CDH13: variants seen among roughly 807,000 people sequenced by gnomAD.
The protein encoded by CDH13 is cadherin-13.
Under a neutral mutation model 63.8 loss-of-function variants are expected in CDH13, and 24 were observed. The ratio of observed to expected loss-of-function variants is 0.38; its 90% CI spans 0.27 to 0.53. The LOEUF (loss-of-function observed/expected upper bound fraction) is 0.53. Ranked by LOEUF, CDH13 falls within the 20% of genes least tolerant of loss-of-function variation. The probability of loss-of-function intolerance (pLI) is 0.85; values close to 1 mark genes in which losing one functional copy is unlikely to be tolerated. For missense variants in CDH13, 1,049 were observed against 903.1 expected, an observed-to-expected ratio of 1.16 and a Z score of -2.07; for synonymous variants, 503 against 355.3, an observed-to-expected ratio of 1.42 and a Z score of -4.67.
chr16:82,801,075 G>C (rs1276499225), intron 1 of CDH13, among the ~76,000 whole-genome samples: 2 of 152,082 alleles, frequency 1.3e-5, no homozygotes, highest in African/African-American at 4.8e-5. Flanking sequence ...GTACTCTCAG[G>C]AGCTCTTGAT....
At position 83,222,760 on chromosome 16, in the gene CDH13, T is replaced by A. The variant is rs189507037; in HGVS notation, c.636+5263T>A. On this transcript the variant is annotated intron_variant, in intron 5 of 13. Coordinates refer to ENST00000567109, the MANE Select transcript of CDH13 (RefSeq NM_001257.5). ...ACAAAGGAAGAGATTTATTAAAGAGTACAGGTAGCCATTAGGATTGCCCAA... is the reference window on the plus strand; with the variant it reads ...ACAAAGGAAGAGATTTATTAAAGAGAACAGGTAGCCATTAGGATTGCCCAA... Among the ~76,000 whole-genome samples, 30 of 152,140 alleles carry A rather than the reference T, an allele frequency of 2.0e-4. 1 individual carries two copies. The highest frequency in any genetic ancestry group is 1.4e-3 in the Admixed American group (22 of 15,284).
intron 5 of CDH13, among the ~76,000 whole-genome samples, chr16:83,253,051 G>A (rs893985427): frequency 1.3e-5 from 2 of 152,118 alleles, no homozygotes; most frequent in Non-Finnish European, 2.9e-5. Flanking sequence ...ACAGCACCTG[G>A]CACAGAGTAA....
At chr16:83,651,457 C>T (rs887841673) in intron 8 of CDH13, among the ~76,000 whole-genome samples, 1 of 151,882 alleles carries the variant, frequency 6.6e-6, no homozygotes, top group Admixed American at 6.6e-5. Flanking sequence ...ATTAATTATT[C>T]CCATTTTGCA....
At chr16:83,771,954 A>C (rs1288015022) in intron 11 of CDH13, among the ~76,000 whole-genome samples, 2 of 152,200 alleles carry the variant, frequency 1.3e-5, no homozygotes, top group Admixed American at 6.5e-5. Flanking sequence ...TCTTTCTAAT[A>C]AGAAGTCAAT....
chr16:83,272,858 C>T (rs74615635), intron 5 of CDH13, among the ~76,000 whole-genome samples: 11,652 of 152,166 alleles, frequency 0.077, 486 homozygotes, highest in East Asian at 0.14. Flanking sequence ...GATCAGTCAG[C>T]CCTGTGGGGA....
At chr16:83,269,425 A>G (rs1157348537) in intron 5 of CDH13, among the ~76,000 whole-genome samples, 2 of 152,194 alleles carry the variant, frequency 1.3e-5, no homozygotes, top group Non-Finnish European at 2.9e-5. Flanking sequence ...AAACTATCCC[A>G]CATCATCTAT....
At chr16:83,379,934 T>TAGAGAGAGAG (rs367543331) in intron 6 of CDH13, among the ~76,000 whole-genome samples, 39 of 86,692 alleles carry the variant, frequency 4.5e-4, no homozygotes, top group Non-Finnish European at 9.0e-4. Context: ...TATATATATA[T>TAGAGAGAGAG]ATATAGAGAG....
At chr16:82,887,681 C>A (rs146013676) in intron 2 of CDH13, among the ~76,000 whole-genome samples, 1 of 152,112 alleles carries the variant, frequency 6.6e-6, no homozygotes, top group Admixed American at 6.5e-5. Context: ...ATTAGCTGGG[C>A]GTGGTGGTGC....
intron 1 of CDH13, among the ~76,000 whole-genome samples, chr16:82,821,275 C>G (rs1019505013): frequency 6.6e-6 from 1 of 151,334 alleles, no homozygotes; most frequent in African/African-American, 2.5e-5. Flanking sequence ...ACATTAATGA[C>G]TGTTTAAGGC....
intron 11 of CDH13, among the ~76,000 whole-genome samples, chr16:83,779,405 T>TAA (rs1174439191): frequency 0.029 from 1,981 of 67,780 alleles, 685 homozygotes; most frequent in Middle Eastern, 0.095. Context: ...AGACTCCATC[T>TAA]CAAAAAAAAA....
intron 2 of CDH13, among the ~76,000 whole-genome samples, chr16:82,865,102 G>A (rs1334962928): frequency 6.6e-6 from 1 of 152,184 alleles, no homozygotes; most frequent in African/African-American, 2.4e-5. Context: ...TCACAGTCTT[G>A]GGCAGTTCCA....
intron 4 of CDH13, among the ~76,000 whole-genome samples, chr16:83,209,597 TA>T (rs1198281026): frequency 6.6e-6 from 1 of 152,126 alleles, no homozygotes; most frequent in Admixed American, 6.5e-5. Context: ...TATAATCATA[TA>T]AAAACAGGCA....
intron 3 of CDH13, among the ~76,000 whole-genome samples, chr16:83,066,877 A>G (rs1026810490): frequency 2.0e-5 from 3 of 152,222 alleles, no homozygotes; most frequent in Admixed American, 2.0e-4. Flanking sequence ...AGTGTTGGTT[A>G]GAGTGAGTGC....
At chr16:83,424,012 T>G (rs191099434) in intron 6 of CDH13, among the ~76,000 whole-genome samples, 393 of 151,956 alleles carry the variant, frequency 2.6e-3, no homozygotes, top group Non-Finnish European at 4.1e-3. Flanking sequence ...AAATCCAACA[T>G]GGACTGAACA....
In CDH13 at chr16:82,742,398, T is replaced by C. The variant is rs149663137; in HGVS notation, c.45+115261T>C. On this transcript the variant is annotated intron_variant, in intron 1 of 13. Transcript: ENST00000567109. ...TATAGTAAATGAAAAGATCTAAAAATATTTTAAAGATATAATTATGATACA... is the reference window on the plus strand; with the variant it reads ...TATAGTAAATGAAAAGATCTAAAAACATTTTAAAGATATAATTATGATACA... 2.8e-3 allele frequency among the ~76,000 whole-genome samples: 428 copies of C among 152,262 alleles called. 2 individuals are homozygous for C. The highest frequency in any genetic ancestry group is 9.7e-3 in the African/African-American group (405 of 41,582).
chr16:83,506,781 T>G (rs776243008), intron 7 of CDH13, among the ~76,000 whole-genome samples: 5 of 152,200 alleles, frequency 3.3e-5, no homozygotes, highest in Non-Finnish European at 5.9e-5. Flanking sequence ...TCAAGTAGCT[T>G]CATGGAGAAA....
At chr16:82,945,179 G>T (rs1904565604) in intron 2 of CDH13, among the ~76,000 whole-genome samples, 1 of 152,340 alleles carries the variant, frequency 6.6e-6, no homozygotes. Context: ...CAAAGGACAA[G>T]ATAGTAAATA....
At chr16:82,641,544 T>G (rs1909398820) in intron 1 of CDH13, among the ~76,000 whole-genome samples, 1 of 152,218 alleles carries the variant, frequency 6.6e-6, no homozygotes. Context: ...GCCAAAGCCC[T>G]AGAATGCTAC....
At chr16:83,029,009 G>T (rs1349779562) in intron 2 of CDH13, among the ~76,000 whole-genome samples, 3 of 152,192 alleles carry the variant, frequency 2.0e-5, no homozygotes, top group Non-Finnish European at 4.4e-5. Flanking sequence ...CACTCCATGA[G>T]CCTCAGTTTC....
Sources: gnomAD v4.1 joint callset for allele counts (sites outside exome capture counted in the v4.1 genomes callset) on GRCh38, gnomAD v4.1.1 for gene constraint, MANE v1.5 for transcripts, NCBI Gene and HGNC (gene_info 2026-07-23, HGNC 2026-07-21) for gene names.